The following GNAQ variants were observed in gnomAD, a reference collection of about 807,000 sequenced individuals.
The protein encoded by GNAQ is guanine nucleotide-binding protein G(q) subunit alpha.
In GNAQ, 8 loss-of-function variants were observed where a neutral mutation model predicts 43.9. That is an observed-to-expected ratio of 0.18 (90% CI 0.11 to 0.33). The LOEUF (loss-of-function observed/expected upper bound fraction) is 0.33. GNAQ is among the 10% of genes least tolerant of loss of function. The pLI is 1.00. For synonymous variants in GNAQ, 155 were observed against 170.7 expected, an observed-to-expected ratio of 0.91 and a Z score of 0.71; for missense variants, 158 against 450.8, an observed-to-expected ratio of 0.35 and a Z score of 5.88.
intron 3 of GNAQ, among the ~76,000 whole-genome samples, chr9:77,806,167 G>T (rs1322867323): frequency 6.6e-6 from 1 of 152,106 alleles, no homozygotes; most frequent in African/African-American, 2.4e-5. Context: ...AAGAAAGAAG[G>T]AAGTCTTTTT....
At chr9:77,864,069 G>A (rs934403060) in intron 2 of GNAQ, among the ~76,000 whole-genome samples, 1 of 152,086 alleles carries the variant, frequency 6.6e-6, no homozygotes, top group African/African-American at 2.4e-5. Flanking sequence ...CTGCATCTGG[G>A]GAGGACCTCA....
rs148765799 is a variant in GNAQ at position 77,740,184 on chromosome 9, G to A, written c.736-11517C>T. Among the ~76,000 whole-genome samples, 1,180 of 152,300 alleles carry A rather than the reference G, an allele frequency of 7.7e-3. 13 individuals carry two copies. The highest frequency in any genetic ancestry group is 0.012 in the Non-Finnish European group (827 of 68,030). On this transcript the variant is annotated intron_variant, in intron 5 of 6. Transcript: ENST00000286548. ...CTGATTCTTTGGCCAACATGATAGG[G>A]TGGTATCAGTGGATAAGAATTTGGT...
intron 1 of GNAQ, among the ~76,000 whole-genome samples, chr9:77,922,958 C>T (rs1395480643): frequency 6.6e-6 from 1 of 152,108 alleles, no homozygotes; most frequent in Non-Finnish European, 1.5e-5. Context: ...TCTTGATCCT[C>T]CCACCTCAGC....
At chr9:77,965,080 C>T (rs1392674007) in intron 1 of GNAQ, among the ~76,000 whole-genome samples, 3 of 145,656 alleles carry the variant, frequency 2.1e-5, no homozygotes, top group South Asian at 4.4e-4. Flanking sequence ...CTCAAAAAGG[C>T]CTAATTAAAT....
At chr9:77,779,276 A>G (rs1161253661) in intron 5 of GNAQ, among the ~76,000 whole-genome samples, 5 of 151,994 alleles carry the variant, frequency 3.3e-5, no homozygotes, top group Non-Finnish European at 5.9e-5. Context: ...TAACTGGGAA[A>G]TCCCCAAATA....
chr9:77,876,218 C>A (rs1828120944), intron 2 of GNAQ, among the ~76,000 whole-genome samples: 3 of 152,162 alleles, frequency 2.0e-5, no homozygotes, highest in African/African-American at 7.2e-5. Context: ...AATGCAAATT[C>A]CTCTAGATTT....
rs530458704 is a variant in GNAQ at position 77,886,629 on chromosome 9, C to T, written c.321+35532G>A. Among the ~76,000 whole-genome samples, 7 of 152,062 alleles carry T rather than the reference C, an allele frequency of 4.6e-5. No homozygotes were observed. The South Asian group carries it at 1.2e-3, about 27-fold the overall frequency. ...ACTTGACAATACAGTATTTACAAGA[C>T]AAATGAAAGAGTAAATGATGTAAAA... is the stretch of plus-strand genomic sequence containing the variant. On this transcript the variant is annotated intron_variant, in intron 2 of 6. Transcript: ENST00000286548.
At chr9:77,722,041 A>G (rs556859741) in intron 6 of GNAQ, among the ~76,000 whole-genome samples, 1 of 152,314 alleles carries the variant, frequency 6.6e-6, no homozygotes, top group Non-Finnish European at 1.5e-5. Flanking sequence ...CCTCTGTAAC[A>G]GTCTCACTTC....
intron 2 of GNAQ, among the ~76,000 whole-genome samples, chr9:77,873,521 G>C (rs2118036684): frequency 6.6e-6 from 1 of 152,288 alleles, no homozygotes; most frequent in East Asian, 1.9e-4. Flanking sequence ...TTTGTGGCAG[G>C]TGTCCTTGTT....
chr9:78,008,721 C>A (rs577431825), intron 1 of GNAQ, among the ~76,000 whole-genome samples: 3 of 152,152 alleles, frequency 2.0e-5, no homozygotes, highest in Non-Finnish European at 4.4e-5. Flanking sequence ...TGGGTTCAAG[C>A]GATTCTCCCA....
intron 2 of GNAQ, among the ~76,000 whole-genome samples, chr9:77,855,365 A>C (rs1827736641): frequency 6.6e-6 from 1 of 152,172 alleles, no homozygotes; most frequent in Admixed American, 6.5e-5. Flanking sequence ...AAAAAATAAA[A>C]ATCAATAAAA....
chr9:77,843,057 T>C (rs1052435424), intron 2 of GNAQ, among the ~76,000 whole-genome samples: 1 of 152,188 alleles, frequency 6.6e-6, no homozygotes, highest in Non-Finnish European at 1.5e-5. Flanking sequence ...TCTGATTGTA[T>C]TTTATTTAAT....
Position 77,777,716 on chromosome 9 carries a change from A to C in GNAQ, c.735+16747T>G, listed in dbSNP as rs571424457. On this transcript the variant is annotated intron_variant, in intron 5 of 6. Coordinates refer to ENST00000286548, the MANE Select transcript of GNAQ (RefSeq NM_002072.5). Reference sequence around the variant, plus strand: ...CAAAGAAGAGATACAAATGCCTAATAAACACCTGAAAACCCCATTAGCCTT... The same window carrying C: ...CAAAGAAGAGATACAAATGCCTAATCAACACCTGAAAACCCCATTAGCCTT... Among the ~76,000 whole-genome samples, 7 of 152,202 alleles carry C rather than the reference A, an allele frequency of 4.6e-5. No individual in the cohort carries two copies. The South Asian group carries it at 1.4e-3, about 31-fold the overall frequency.
intron 5 of GNAQ, among the ~76,000 whole-genome samples, chr9:77,739,159 C>G (rs56188115): frequency 6.6e-6 from 1 of 151,998 alleles, no homozygotes. Context: ...TCCTCTTAAG[C>G]GGGAGAGCTA....
intron 1 of GNAQ, among the ~76,000 whole-genome samples, chr9:78,021,301 C>T (rs1823906063): frequency 6.6e-6 from 1 of 152,082 alleles, no homozygotes; most frequent in Admixed American, 6.6e-5. Flanking sequence ...GCTGGGATTA[C>T]ACGCGTGAAC....
At chr9:77,767,228 T>C (rs78495866) in intron 5 of GNAQ, among the ~76,000 whole-genome samples, 1 of 152,036 alleles carries the variant, frequency 6.6e-6, no homozygotes, top group Non-Finnish European at 1.5e-5. Context: ...ACTACTGACA[T>C]TTGGGCTGGA....
chr9:77,957,527 T>C (rs1823057948), intron 1 of GNAQ, among the ~76,000 whole-genome samples: 1 of 152,132 alleles, frequency 6.6e-6, no homozygotes, highest in African/African-American at 2.4e-5. Flanking sequence ...AAGCAACTGA[T>C]GAGAAGTGAA....
Position 78,007,641 on chromosome 9 carries a change from G to T in GNAQ, c.136+23459C>A, listed in dbSNP as rs192162231. ...AGTACAACCACATTTTTTCTCAAAG[G>T]GAATCTTGATCATTGAAATTACACA... is the stretch of plus-strand genomic sequence containing the variant. On this transcript the variant is annotated intron_variant, in intron 1 of 6. Transcript: ENST00000286548. 1.0e-3 allele frequency among the ~76,000 whole-genome samples: 157 copies of T among 152,122 alleles called. 3 individuals are homozygous for T. The highest frequency in any genetic ancestry group is 1.3e-4 in the Non-Finnish European group (9 of 67,978).
Position 77,851,219 on chromosome 9 carries a change from G to C in GNAQ, c.322-35449C>G, listed in dbSNP as rs183836989. The stretch of plus-strand genomic sequence containing the variant: ...TGTCTAGCTTACACAAAATCGGAAA[G>C]AAAAAGACTGAGACACCCAAGGTTT... On this transcript the variant is annotated intron_variant, in intron 2 of 6. Transcript: ENST00000286548. Among the ~76,000 whole-genome samples the C allele has an allele frequency of 1.5e-3, 226 of 152,238 alleles. 1 individual carries two copies. The highest frequency in any genetic ancestry group is 2.7e-3 in the Non-Finnish European group (182 of 68,000).
Sources: gnomAD v4.1 joint callset for allele counts (sites outside exome capture counted in the v4.1 genomes callset) on GRCh38, gnomAD v4.1.1 for gene constraint, MANE v1.5 for transcripts, NCBI Gene and HGNC (gene_info 2026-07-23, HGNC 2026-07-21) for gene names.